The following BACE2 variants were observed in gnomAD, a reference collection of about 807,000 sequenced individuals.
The protein encoded by BACE2 is beta-secretase 2, also known as 56 kDa aspartic-like protease.
Under a neutral mutation model 46.2 loss-of-function variants are expected in BACE2, and 17 were observed. The observed-to-expected ratio is 0.37, with a 90% CI of 0.25 to 0.55. The LOEUF is 0.55. Ranked by LOEUF, BACE2 falls within the 20% of genes least tolerant of loss-of-function variation. The pLI is 0.82. For synonymous variants in BACE2, 277 were observed against 295.9 expected, an observed-to-expected ratio of 0.94 and a Z score of 0.66; for missense variants, 595 against 698.1, an observed-to-expected ratio of 0.85 and a Z score of 1.66.
chr21:41,172,027 C>T (rs889670935), intron 1 of BACE2, among the ~76,000 whole-genome samples: 1 of 152,144 alleles, frequency 6.6e-6, no homozygotes, highest in African/African-American at 2.4e-5. Context: ...ATCCAGGCTC[C>T]CCAAATGAAG....
At chr21:41,235,428 C>T (rs926605034) in intron 2 of BACE2, among the ~76,000 whole-genome samples, 1 of 152,240 alleles carries the variant, frequency 6.6e-6, no homozygotes, top group African/African-American at 2.4e-5. Context: ...CATCCTGGCA[C>T]ATGAACCTCT....
At chr21:41,191,461 A>G (rs1282792279) in intron 1 of BACE2, among the ~76,000 whole-genome samples, 2 of 152,224 alleles carry the variant, frequency 1.3e-5, no homozygotes, top group Admixed American at 1.3e-4. Context: ...TGTGCAGGAT[A>G]GGCAAACCCA....
chr21:41,206,171 C>G (rs960223477), intron 1 of BACE2, among the ~76,000 whole-genome samples: 1 of 152,162 alleles, frequency 6.6e-6, no homozygotes, highest in Non-Finnish European at 1.5e-5. Flanking sequence ...AGACTGGAAA[C>G]CCAAGGTCCA....
At chr21:41,175,682 A>C (rs1984802837) in intron 1 of BACE2, 1 of 152,748 alleles carries the variant, frequency 6.5e-6, no homozygotes, top group South Asian at 2.1e-4. Context: ...ATTTCATGCC[A>C]CGGGGGTGGT....
At chr21:41,198,102 G>A (rs973603669) in intron 1 of BACE2, among the ~76,000 whole-genome samples, 3 of 151,914 alleles carry the variant, frequency 2.0e-5, no homozygotes, top group Non-Finnish European at 2.9e-5. Context: ...AGCAATTCTC[G>A]TGCCTCAGCC....
In BACE2 at chr21:41,253,118, G is replaced by C. The variant is rs144800987; in HGVS notation, c.1134+2217G>C. ...GCACTGAATGATATTACAATGCTAT[G>C]TTTTCAGCATCTTTAAATCATCTTT... On this transcript the variant is annotated intron_variant, in intron 7 of 8. Coordinates refer to ENST00000330333, the MANE Select transcript of BACE2 (RefSeq NM_012105.5). Among the ~76,000 whole-genome samples, 230 of 152,314 alleles carry C rather than the reference G, an allele frequency of 1.5e-3. 1 individual carries two copies. Among genetic ancestry groups the C allele is most frequent in the African/African-American group, 5.3e-3 (221 of 41,562 alleles).
chr21:41,269,481 C>G (rs1473750772), intron 8 of BACE2, among the ~76,000 whole-genome samples: 1 of 152,182 alleles, frequency 6.6e-6, no homozygotes, highest in Non-Finnish European at 1.5e-5. Context: ...GAGCTGTTTT[C>G]CCTGCCTCCC....
At chr21:41,257,411 A>T in intron 8 of BACE2, 85 bp downstream of exon 8, 1 of 1,429,530 alleles carries the variant, frequency 7.0e-7, no homozygotes, top group Non-Finnish European at 9.6e-7. Flanking sequence ...CTTGATGGCA[A>T]CTCAATTACC....
chr21:41,261,424 A>G (rs1987932112), intron 8 of BACE2, among the ~76,000 whole-genome samples: 1 of 152,152 alleles, frequency 6.6e-6, no homozygotes. Flanking sequence ...TTCTACTAAT[A>G]TAGTGTGCAC....
At chr21:41,221,671 C>G (rs1386609834) in intron 1 of BACE2, among the ~76,000 whole-genome samples, 5 of 151,692 alleles carry the variant, frequency 3.3e-5, no homozygotes, top group Non-Finnish European at 7.4e-5. Context: ...TAAAAAAATA[C>G]AAAAAAATTA....
chr21:41,216,769 C>T (rs967729754), intron 1 of BACE2, among the ~76,000 whole-genome samples: 10 of 152,198 alleles, frequency 6.6e-5, no homozygotes. Context: ...GCAGTCAGCG[C>T]GGACGTGCGT....
rs1370322051 is a variant in BACE2, at chr21:41,276,754, A to G, written c.*1130A>G. The G allele has an allele frequency of 6.6e-6, 1 of 152,256 alleles. No individual in the cohort carries two copies. Among genetic ancestry groups the G allele is most frequent in the Admixed American group, 6.5e-5 (1 of 15,286 alleles). 9.4% of individuals were successfully genotyped at this position (152,256 alleles called of 1,614,324 possible). A position where few individuals can be genotyped will look rare whatever the true frequency, so the allele number is the denominator to read the frequency against. Reference sequence around the variant, plus strand: ...GTGCAGAAGACACAAGGTAACGTCTACTTATCCCCGTGCTTCGAAACCGTG... The same window carrying G: ...GTGCAGAAGACACAAGGTAACGTCTGCTTATCCCCGTGCTTCGAAACCGTG... On this transcript the variant is annotated 3_prime_UTR_variant, in exon 9 of 9. Coordinates refer to ENST00000330333, the MANE Select transcript of BACE2 (RefSeq NM_012105.5).
chr21:41,184,494 T>C (rs1408685438), intron 1 of BACE2: 1 of 167,098 alleles, frequency 6.0e-6, no homozygotes, highest in Non-Finnish European at 1.5e-5. Context: ...ACATGGAAAG[T>C]GGCATATGTA....
chr21:41,262,755 G>T (rs1016239883), intron 8 of BACE2, among the ~76,000 whole-genome samples: 1 of 152,032 alleles, frequency 6.6e-6, no homozygotes, highest in Non-Finnish European at 1.5e-5. Flanking sequence ...GTACCTCTTA[G>T]TTCTTACCAC....
At chr21:41,247,727 A>G (rs111797648) in intron 6 of BACE2, among the ~76,000 whole-genome samples, 2,164 of 152,368 alleles carry the variant, frequency 0.014, 39 homozygotes, top group African/African-American at 0.049. Flanking sequence ...ACCACGAGGT[A>G]GAGGGAATGA....
At chr21:41,202,426 AG>A (rs1406762114) in intron 1 of BACE2, among the ~76,000 whole-genome samples, 1 of 152,232 alleles carries the variant, frequency 6.6e-6, no homozygotes, top group Non-Finnish European at 1.5e-5. Flanking sequence ...GCTGCCAGCC[AG>A]GTGGAAGAGG....
intron 1 of BACE2, among the ~76,000 whole-genome samples, chr21:41,194,230 A>G (rs1379196216): frequency 2.0e-5 from 3 of 149,412 alleles, no homozygotes; most frequent in Admixed American, 6.7e-5. Context: ...TAATTAACCA[A>G]TGCCGGAGCT....
Position 41,277,531 on chromosome 21 carries a change from G to C in BACE2, c.*1907G>C, listed in dbSNP as rs955672711. 6.6e-6 allele frequency: 1 copy of C among 152,242 alleles called. No homozygotes were observed. Among genetic ancestry groups the C allele is most frequent in the Admixed American group, 6.5e-5 (1 of 15,282 alleles). 9.4% of individuals were successfully genotyped at this position (152,242 alleles called of 1,614,324 possible). A position where few individuals can be genotyped will look rare whatever the true frequency, so the allele number is the denominator to read the frequency against. ...CCCATTGGCTTTTTCCGTGGTTGCT[G>C]TTTTGTGGGCCGCTTTGCACAGGAG... On this transcript the variant is annotated 3_prime_UTR_variant, in exon 9 of 9. Coordinates refer to ENST00000330333, the MANE Select transcript of BACE2 (RefSeq NM_012105.5).
At chr21:41,176,097 T>G (rs1473522497) in intron 1 of BACE2, 9 of 152,234 alleles carry the variant, frequency 5.9e-5, no homozygotes, top group Admixed American at 5.9e-4. Context: ...TTTGAACAAG[T>G]GACCTCAGAT....
Sources: gnomAD v4.1 joint callset for allele counts (sites outside exome capture counted in the v4.1 genomes callset) on GRCh38, gnomAD v4.1.1 for gene constraint, MANE v1.5 for transcripts, NCBI Gene and HGNC (gene_info 2026-07-23, HGNC 2026-07-21) for gene names.